The following ADGRL2 variants were observed in gnomAD, a reference collection of about 807,000 sequenced individuals.
ADGRL2 encodes adhesion G protein-coupled receptor L2.
ADGRL2 carries 44 observed loss-of-function variants against 157.4 expected under a neutral mutation model. The ratio of observed to expected loss-of-function variants is 0.28; its 90% CI spans 0.22 to 0.36. The LOEUF is 0.36. Ranked by LOEUF, ADGRL2 falls within the 10% of genes least tolerant of loss-of-function variation. The pLI, the probability that ADGRL2 is intolerant of heterozygous loss-of-function variation, is 1.00. For missense variants in ADGRL2, 1,510 were observed against 1,768.9 expected (o/e 0.85, Z 2.63); for synonymous variants, 585 against 624.7 (o/e 0.94, Z 0.95).
intron 2 of ADGRL2, among the ~76,000 whole-genome samples, chr1:81,552,913 C>A (rs1421749829): frequency 6.6e-6 from 1 of 152,046 alleles, no homozygotes; most frequent in Non-Finnish European, 1.5e-5. Context: ...ACTTTTTCCC[C>A]CAGTGTGTCA....
intron 1 of ADGRL2, among the ~76,000 whole-genome samples, chr1:81,322,540 T>C (rs903193716): frequency 1.3e-5 from 2 of 152,054 alleles, no homozygotes; most frequent in African/African-American, 4.8e-5. Context: ...CCAGTGGTGA[T>C]AGGACTGCTA....
intron 2 of ADGRL2, among the ~76,000 whole-genome samples, chr1:81,787,143 C>T (rs570493580): frequency 6.6e-6 from 1 of 152,260 alleles, no homozygotes; most frequent in Admixed American, 6.5e-5. Flanking sequence ...TCTGAAGCCT[C>T]CCCCGCCATG....
At chr1:81,793,415 A>G (rs777637513) in intron 2 of ADGRL2, among the ~76,000 whole-genome samples, 15 of 152,120 alleles carry the variant, frequency 9.9e-5, no homozygotes, top group South Asian at 4.1e-4. Context: ...GCCTCTGCTT[A>G]GCTCTATGCA....
At chr1:81,370,054 C>G (rs1217756175) in intron 1 of ADGRL2, among the ~76,000 whole-genome samples, 2 of 151,998 alleles carry the variant, frequency 1.3e-5, no homozygotes, top group South Asian at 4.1e-4. Context: ...TTCTACCTCA[C>G]CTGCCAAGAA....
chr1:81,562,447 T>C (rs1423481548), intron 2 of ADGRL2, among the ~76,000 whole-genome samples: 1 of 152,070 alleles, frequency 6.6e-6, no homozygotes, highest in East Asian at 1.9e-4. Context: ...AAATGAAGAT[T>C]GAGACATTAA....
intron 11 of ADGRL2, among the ~76,000 whole-genome samples, chr1:81,962,463 G>A (rs939547186): frequency 1.4e-4 from 21 of 152,022 alleles, no homozygotes; most frequent in Middle Eastern, 3.4e-3. Context: ...CTTTTTAAAA[G>A]GAATCTGTTG....
upstream of ADGRL2, chr1:81,800,366 C>T (rs888853850): frequency 5.3e-5 from 8 of 152,156 alleles, no homozygotes; most frequent in South Asian, 2.1e-4. Context: ...TGGAGCGTCC[C>T]CCGCGCGCCG....
At chr1:81,648,603 C>T (rs778053499) in intron 3 of ADGRL2, among the ~76,000 whole-genome samples, 2 of 152,066 alleles carry the variant, frequency 1.3e-5, no homozygotes, top group Non-Finnish European at 2.9e-5. Context: ...TTGCACTAGA[C>T]GGGAGAGGGG....
At chr1:81,746,901 T>C (rs2085269427) in intron 1 of ADGRL2, among the ~76,000 whole-genome samples, 1 of 148,546 alleles carries the variant, frequency 6.7e-6, no homozygotes, top group Non-Finnish European at 1.5e-5. Flanking sequence ...TACACGTATA[T>C]ACACACGTGC....
At chr1:81,338,372 A>AATAAAACAAAAC (rs1553154796) in intron 1 of ADGRL2, among the ~76,000 whole-genome samples, 7 of 151,094 alleles carry the variant, frequency 4.6e-5, no homozygotes, top group Non-Finnish European at 8.8e-5. Context: ...CAAAAAACAA[A>AATAAAACAAAAC]ACAAAACAAA....
chr1:81,788,135 A>G (rs900209233), intron 2 of ADGRL2, among the ~76,000 whole-genome samples: 1 of 152,214 alleles, frequency 6.6e-6, no homozygotes, highest in Non-Finnish European at 1.5e-5. Context: ...GGAGTGATTC[A>G]TGGCACAAGA....
intron 1 of ADGRL2, among the ~76,000 whole-genome samples, chr1:81,338,834 C>CAA (rs1661845377): frequency 6.6e-6 from 1 of 152,166 alleles, no homozygotes. Flanking sequence ...AACCTCCTAA[C>CAA]AAGTTTATGG....
At chr1:81,593,841 T>C (rs546001421) in intron 3 of ADGRL2, among the ~76,000 whole-genome samples, 101 of 152,296 alleles carry the variant, frequency 6.6e-4, no homozygotes, top group African/African-American at 2.3e-3. Flanking sequence ...TGATTATCCT[T>C]TAGTAATGAA....
chr1:81,631,576 C>T (rs748470864), intron 3 of ADGRL2, among the ~76,000 whole-genome samples: 23 of 152,160 alleles, frequency 1.5e-4, no homozygotes, highest in Non-Finnish European at 3.1e-4. Context: ...TGGAATTACG[C>T]ACCGATATCT....
chr1:81,521,155 A>G (rs1411771902), intron 2 of ADGRL2, among the ~76,000 whole-genome samples: 1 of 152,216 alleles, frequency 6.6e-6, no homozygotes, highest in Non-Finnish European at 1.5e-5. Context: ...GAAAAAAGTA[A>G]AGAACATGCA....
intron 1 of ADGRL2, among the ~76,000 whole-genome samples, chr1:81,431,958 TC>T (rs2077330291): frequency 6.6e-6 from 1 of 152,202 alleles, no homozygotes; most frequent in African/African-American, 2.4e-5. Context: ...GGAGAGAGGT[TC>T]GGGGGTGTTG....
chr1:81,962,824 T>C (rs1655872681), intron 11 of ADGRL2, among the ~76,000 whole-genome samples: 15 of 152,194 alleles, frequency 9.9e-5, no homozygotes, highest in Admixed American at 9.8e-4. Context: ...TATTATTTGC[T>C]GCTTTGGTTT....
intron 2 of ADGRL2, among the ~76,000 whole-genome samples, chr1:81,896,008 AATAC>A (rs1392642946): frequency 1.3e-5 from 2 of 152,186 alleles, no homozygotes; most frequent in Admixed American, 1.3e-4. Context: ...TTTAAGAATA[AATAC>A]ATACTCAGGC....
At chr1:81,852,472 T>C (rs2093048007) in intron 2 of ADGRL2, among the ~76,000 whole-genome samples, 1 of 152,160 alleles carries the variant, frequency 6.6e-6, no homozygotes. Context: ...GTAAGCATAG[T>C]TGCTATGTTT....
Sources: allele counts gnomAD v4.1 joint callset (sites outside exome capture counted in the v4.1 genomes callset), GRCh38; gene constraint gnomAD v4.1.1; transcripts MANE v1.5; gene names NCBI Gene and HGNC (gene_info 2026-07-23, HGNC 2026-07-21).